Variants in ANO10 observed in about 807,000 individuals in gnomAD.
ANO10 encodes the protein anoctamin 10, also known as anoctamin-10.
In ANO10, 77 loss-of-function variants were observed where a neutral mutation model predicts 74.7. The observed-to-expected ratio is 1.03, with a 90% confidence interval of 0.86 to 1.25. ANO10 has a LOEUF of 1.25. ANO10 is among the 50% of genes most tolerant of loss of function. The pLI is 0.00. For synonymous variants in ANO10, 279 were observed against 284.9 expected, an observed-to-expected ratio of 0.98 and a Z score of 0.21; for missense variants, 721 against 778.1, an observed-to-expected ratio of 0.93 and a Z score of 0.87.
chr3:43,547,864 G>A (rs1174586571), intron 11 of ANO10, among the ~76,000 whole-genome samples: 2 of 152,312 alleles, frequency 1.3e-5, no homozygotes, highest in East Asian at 3.9e-4. Context: ...CAGGAATCTA[G>A]AGAAAGTGAG....
chr3:43,401,433 C>T (rs1158291826), intron 12 of ANO10, among the ~76,000 whole-genome samples: 2 of 152,082 alleles, frequency 1.3e-5, no homozygotes, highest in African/African-American at 2.4e-5. Context: ...TAAAAATATG[C>T]TACAGAGACA....
intron 12 of ANO10, among the ~76,000 whole-genome samples, chr3:43,420,752 A>G (rs936665272): frequency 2.0e-5 from 3 of 152,220 alleles, no homozygotes; most frequent in Non-Finnish European, 4.4e-5. Flanking sequence ...AGTTGAAAAA[A>G]GGCACAAAGG....
intron 1 of ANO10, among the ~76,000 whole-genome samples, chr3:43,662,262 C>T (rs1486668013): frequency 3.3e-5 from 5 of 152,228 alleles, no homozygotes; most frequent in African/African-American, 1.2e-4. Context: ...TCACTCAAAA[C>T]TGTACAACTA....
chr3:43,396,081 T>A lies in ANO10; in HGVS notation c.1915-29107A>T, dbSNP rs975636441. 6.3e-4 allele frequency among the ~76,000 whole-genome samples: 95 copies of A among 151,522 alleles called. 1 individual carries two copies. Among genetic ancestry groups the A allele is most frequent in the African/African-American group, 2.1e-3 (86 of 41,224 alleles). ...TTTTATTAATTTATTTATTTATTTT[T>A]TTTTTTTGCTTGATGGCGCTGGCCA... On this transcript the variant is annotated intron_variant, in intron 12 of 12. Coordinates refer to ENST00000292246, the MANE Select transcript of ANO10 (RefSeq NM_018075.5).
chr3:43,407,078 A>G (rs2092589074), intron 12 of ANO10, among the ~76,000 whole-genome samples: 1 of 151,906 alleles, frequency 6.6e-6, no homozygotes, highest in African/African-American at 2.4e-5. Flanking sequence ...TAATTTTTGT[A>G]TTTTTAGTAG....
chr3:43,378,264 C>T (rs1291269371), intron 12 of ANO10, among the ~76,000 whole-genome samples: 1 of 152,106 alleles, frequency 6.6e-6, no homozygotes, highest in Non-Finnish European at 1.5e-5. Context: ...CCTTCTCTGC[C>T]CAGAAAAGCT....
At chr3:43,527,913 T>C (rs1020413739) in intron 11 of ANO10, among the ~76,000 whole-genome samples, 14 of 152,288 alleles carry the variant, frequency 9.2e-5, no homozygotes, top group South Asian at 2.1e-4. Flanking sequence ...GGCACCATTT[T>C]GAGGGAAGGA....
chr3:43,416,008 G>T (rs1280917161), intron 12 of ANO10, among the ~76,000 whole-genome samples: 1 of 133,274 alleles, frequency 7.5e-6, no homozygotes, highest in Non-Finnish European at 1.7e-5. Context: ...AGTGAACTCA[G>T]TCCAAGAAGT....
intron 1 of ANO10, among the ~76,000 whole-genome samples, chr3:43,606,341 CTT>C (rs1375701306): frequency 8.5e-5 from 13 of 152,052 alleles, no homozygotes; most frequent in Non-Finnish European, 8.8e-5. Context: ...GGAACATTAA[CTT>C]TGTGTAGGAG....
chr3:43,603,590 T>C (rs75540634), intron 2 of ANO10, among the ~76,000 whole-genome samples: 129 of 152,326 alleles, frequency 8.5e-4, no homozygotes, highest in African/African-American at 2.8e-3. Flanking sequence ...TTTATCTGTT[T>C]AGTTTTAGAT....
At chr3:43,389,848 T>C (rs540297956) in intron 12 of ANO10, among the ~76,000 whole-genome samples, 1 of 152,306 alleles carries the variant, frequency 6.6e-6, no homozygotes, top group African/African-American at 2.4e-5. Flanking sequence ...CCTATGCGTG[T>C]TCCGGGCTGG....
upstream of ANO10, among the ~76,000 whole-genome samples, chr3:43,622,654 A>T (rs1224064134): frequency 6.6e-6 from 1 of 152,072 alleles, no homozygotes; most frequent in East Asian, 1.9e-4. Context: ...CCAGGCTCAG[A>T]GTCTGCCCCA....
intron 11 of ANO10, among the ~76,000 whole-genome samples, chr3:43,481,927 CTTTTTTTTTTTT>C (rs1161910647): frequency 8.1e-6 from 1 of 123,882 alleles, no homozygotes; most frequent in Non-Finnish European, 1.7e-5. Context: ...CTTTTTTTTT[CTTTTTTTTTTTT>C]TTTTTTGAGA....
intron 1 of ANO10, among the ~76,000 whole-genome samples, chr3:43,670,283 G>T (rs987423665): frequency 1.3e-5 from 2 of 151,666 alleles, no homozygotes; most frequent in South Asian, 4.2e-4. Context: ...GATTGCTTGC[G>T]CCTGGGAGGA....
intron 4 of ANO10, among the ~76,000 whole-genome samples, chr3:43,586,553 T>C (rs1215700127): frequency 6.6e-6 from 1 of 151,264 alleles, no homozygotes; most frequent in Non-Finnish European, 1.5e-5. Context: ...TAATAAAAAA[T>C]AAGTAATAAT....
At chr3:43,690,864 C>T in intron 1 of ANO10, 2 of 1,003,490 alleles carry the variant, frequency 2.0e-6, no homozygotes, top group Non-Finnish European at 2.7e-6. Flanking sequence ...GCCGCCGGGC[C>T]GTGCTAGTGC....
At chr3:43,507,302 A>G (rs2077331738) in intron 11 of ANO10, among the ~76,000 whole-genome samples, 1 of 152,052 alleles carries the variant, frequency 6.6e-6, no homozygotes, top group Non-Finnish European at 1.5e-5. Flanking sequence ...GGTGGGTTGT[A>G]TTCTTCCCCT....
intron 1 of ANO10, among the ~76,000 whole-genome samples, chr3:43,663,301 C>T (rs1385947047): frequency 3.9e-5 from 6 of 152,170 alleles, no homozygotes; most frequent in African/African-American, 9.7e-5. Context: ...CCACGATTAT[C>T]TTAATAGATG....
chr3:43,387,502 C>CA (rs1447191242), intron 12 of ANO10, among the ~76,000 whole-genome samples: 1 of 152,210 alleles, frequency 6.6e-6, no homozygotes, highest in African/African-American at 2.4e-5. Flanking sequence ...AGAGGCCCTA[C>CA]ACGCAGCTGG....
Sources: allele counts gnomAD v4.1 joint callset (sites outside exome capture counted in the v4.1 genomes callset), GRCh38; gene constraint gnomAD v4.1.1; transcripts MANE v1.5; gene names NCBI Gene and HGNC (gene_info 2026-07-23, HGNC 2026-07-21).